CCDC127: variants seen among roughly 807,000 people sequenced by gnomAD.
CCDC127 encodes coiled-coil domain-containing protein 127.
CCDC127 carries 2 observed loss-of-function variants against 4.1 expected under a neutral mutation model. That is an observed-to-expected ratio of 0.49 (90% CI 0.20 to 1.53). The LOEUF is 1.53. Among genes scored for constraint, CCDC127 ranks in the 40% most tolerant of loss-of-function variants. The pLI, the probability that CCDC127 is intolerant of heterozygous loss-of-function variation, is 0.23. For synonymous variants in CCDC127, 98 were observed against 120.4 expected (o/e 0.81, Z 1.22); for missense variants, 271 against 322.9 (o/e 0.84, Z 1.23).
rs1734045050 is a variant in CCDC127, at chr5:200,042, C to G, written c.*5255G>C. ...TGGGGTTGGGGCGGCCATGCTGGCA[C>G]AAAGGGCTCCCGTGAATCTGGAGCT... On this transcript the variant is annotated 3_prime_UTR_variant, in exon 3 of 3. Transcript: ENST00000296824. 1 of 152,232 alleles carries G rather than the reference C, an allele frequency of 6.6e-6. No homozygotes were observed. The highest frequency in any genetic ancestry group is 2.1e-4 in the South Asian group (1 of 4,834). 9.4% of individuals were successfully genotyped at this position (152,232 alleles called of 1,614,324 possible). A position where few individuals can be genotyped will look rare whatever the true frequency, so the allele number is the denominator to read the frequency against.
chr5:207,207 A>C (rs1383555201), intron 2 of CCDC127, among the ~76,000 whole-genome samples: 1 of 152,216 alleles, frequency 6.6e-6, no homozygotes, highest in African/African-American at 2.4e-5. Flanking sequence ...CCTGAAAGCC[A>C]GTCCCCCTTG....
In CCDC127 at chr5:206,044, G is replaced by T. The variant is rs1401685104; in HGVS notation, c.122-86C>A. On this transcript the variant is annotated intron_variant, in intron 2 of 2. Coordinates refer to ENST00000296824, the MANE Select transcript of CCDC127 (RefSeq NM_145265.3). ...TCACTTAAATCATAAGGCAGCTAAG[G>T]ATAGTGTTTCAGTAAAAGCTTAAGA... 4 of 1,256,286 alleles carry T rather than the reference G, an allele frequency of 3.2e-6. No homozygotes were observed. In the African/African-American group the frequency reaches 6.0e-5, roughly 19 times the overall value. 77.8% of individuals were successfully genotyped at this position (1,256,286 alleles called of 1,614,324 possible).
chr5:197,162 C>G lies in CCDC127; in HGVS notation c.*8135G>C, dbSNP rs891364043. The G allele has an allele frequency of 6.6e-6, 1 of 152,090 alleles. No homozygotes were observed. Among genetic ancestry groups the G allele is most frequent in the East Asian group, 1.9e-4 (1 of 5,180 alleles). 9.4% of individuals were successfully genotyped at this position (152,090 alleles called of 1,614,324 possible). A position where few individuals can be genotyped will look rare whatever the true frequency, so the allele number is the denominator to read the frequency against. ...AGCAGAGTAAAGAATAACAAGGCAGCATTGCCGCAAACATGTCTCGCCTCC... is the reference window on the plus strand; with the variant it reads ...AGCAGAGTAAAGAATAACAAGGCAGGATTGCCGCAAACATGTCTCGCCTCC... On this transcript the variant is annotated 3_prime_UTR_variant, in exon 3 of 3. Coordinates refer to ENST00000296824, the MANE Select transcript of CCDC127 (RefSeq NM_145265.3).
rs1196271640 is a variant in CCDC127 at position 198,345 on chromosome 5, GACTT to G, written c.*6948_*6951del. On this transcript the variant is annotated 3_prime_UTR_variant, in exon 3 of 3. Transcript: ENST00000296824. Reference sequence around the variant, plus strand: ...AAGGTGCTGGGCCAACATTTTTAATGACTTACTTCTAACTCTAAAGCACAGAGTG... The same window carrying G: ...AAGGTGCTGGGCCAACATTTTTAATGACTTCTAACTCTAAAGCACAGAGTG... 6.6e-6 allele frequency: 1 copy of G among 152,274 alleles called. No individual in the cohort carries two copies. The highest frequency in any genetic ancestry group is 2.4e-5 in the African/African-American group (1 of 41,464). The allele number at this position is 152,274 out of a possible 1,614,324, so 9.4% of individuals were successfully genotyped here. A position where few individuals can be genotyped will look rare whatever the true frequency, so the allele number is the denominator to read the frequency against.
Position 205,245 on chromosome 5 carries a change from G to C in CCDC127, c.*52C>G, listed in dbSNP as rs10059907. On this transcript the variant is annotated 3_prime_UTR_variant, in exon 3 of 3. Coordinates refer to ENST00000296824, the MANE Select transcript of CCDC127 (RefSeq NM_145265.3). ...GGAAGACGCCGGAGACCCAGAAGGC[G>C]CATGACTGCCTGGCCTCGAGTCACT... 0.12 allele frequency: 188,802 copies of C among 1,520,468 alleles called. 12,249 individuals carry two copies. Among genetic ancestry groups the C allele is most frequent in the Admixed American group, 0.16 (8,817 of 54,472 alleles). The allele number at this position is 1,520,468 out of a possible 1,614,324, so 94.2% of individuals were successfully genotyped here. A position where few individuals can be genotyped will look rare whatever the true frequency, so the allele number is the denominator to read the frequency against.
rs1394585372 is a variant in CCDC127, at chr5:204,825, A to G, written c.*472T>C. On this transcript the variant is annotated 3_prime_UTR_variant, in exon 3 of 3. Coordinates refer to ENST00000296824, the MANE Select transcript of CCDC127 (RefSeq NM_145265.3). Reference sequence around the variant, plus strand: ...TAAAATATAAACCCTTGATAATATAATATTACTACTTCCTATTACCTGTTA... The same window carrying G: ...TAAAATATAAACCCTTGATAATATAGTATTACTACTTCCTATTACCTGTTA... 6.5e-6 allele frequency: 1 copy of G among 152,872 alleles called. No homozygotes were observed. Among genetic ancestry groups the G allele is most frequent in the Non-Finnish European group, 1.5e-5 (1 of 68,542 alleles). 9.5% of individuals were successfully genotyped at this position (152,872 alleles called of 1,614,324 possible). A position where few individuals can be genotyped will look rare whatever the true frequency, so the allele number is the denominator to read the frequency against.
At position 205,973 on chromosome 5, in the gene CCDC127, G is replaced by C. The variant is rs1192720134; in HGVS notation, c.122-15C>G. ...CCAAATCCAACCTGACATGAATGAA[G>C]AAAAATACACATAATGAAAAAGTTA... On this transcript the variant is annotated splice_polypyrimidine_tract_variant and intron_variant, in intron 2 of 2. Transcript: ENST00000296824. 1 of 1,582,652 alleles carries C rather than the reference G, an allele frequency of 6.3e-7. No homozygotes were observed. The highest frequency in any genetic ancestry group is 8.6e-7 in the Non-Finnish European group (1 of 1,165,180).
chr5:213,272 G>A (rs376056191), intron 2 of CCDC127, among the ~76,000 whole-genome samples: 2 of 77,726 alleles, frequency 2.6e-5, no homozygotes, highest in Admixed American at 1.3e-4. Context: ...GCTCGACATC[G>A]CACACTGCAG....
In CCDC127 at chr5:202,604, T is replaced by G. The variant is rs938730275; in HGVS notation, c.*2693A>C. 1 of 152,154 alleles carries G rather than the reference T, an allele frequency of 6.6e-6. No individual in the cohort carries two copies. The highest frequency in any genetic ancestry group is 2.4e-5 in the African/African-American group (1 of 41,362). The allele number at this position is 152,154 out of a possible 1,614,324, so 9.4% of individuals were successfully genotyped here. A position where few individuals can be genotyped will look rare whatever the true frequency, so the allele number is the denominator to read the frequency against. On this transcript the variant is annotated 3_prime_UTR_variant, in exon 3 of 3. Coordinates refer to ENST00000296824, the MANE Select transcript of CCDC127 (RefSeq NM_145265.3). ...CTCAAAAAAAAAATGCTCGTCTTCC[T>G]AACTCTGCAGGACCGGGTCAGCGGG...
Position 201,757 on chromosome 5 carries a change from C to T in CCDC127, c.*3540G>A, listed in dbSNP as rs1254859944. On this transcript the variant is annotated 3_prime_UTR_variant, in exon 3 of 3. Transcript: ENST00000296824. ...CTGAAGCAAGCGAAATTAGAAAGTA[C>T]AATCTCAACCCCTCCCCGCAAAAGT... 1 of 152,156 alleles carries T rather than the reference C, an allele frequency of 6.6e-6. No homozygotes were observed. The highest frequency in any genetic ancestry group is 1.9e-4 in the East Asian group (1 of 5,190). 9.4% of individuals were successfully genotyped at this position (152,156 alleles called of 1,614,324 possible).
At chr5:207,630 T>C (rs1734201077) in intron 2 of CCDC127, among the ~76,000 whole-genome samples, 2 of 152,174 alleles carry the variant, frequency 1.3e-5, no homozygotes, top group Non-Finnish European at 2.9e-5. Context: ...ACGGGGCTTA[T>C]GTCAAGGACA....
chr5:216,613 GT>G (rs1285862248), intron 2 of CCDC127, 115 bp downstream of exon 2: 1 of 808,410 alleles, frequency 1.2e-6, no homozygotes, highest in East Asian at 2.7e-5. Context: ...AAACTCGGCT[GT>G]CCCTGGCAGG....
chr5:214,604 A>G (rs1734342936), intron 2 of CCDC127: 1 of 152,190 alleles, frequency 6.6e-6, no homozygotes, highest in South Asian at 2.1e-4. Flanking sequence ...AGGTGTGAAG[A>G]GAGAGAAGCC....
rs1734102188 is a variant in CCDC127 at position 203,014 on chromosome 5, G to A, written c.*2283C>T. 6.6e-6 allele frequency: 1 copy of A among 152,332 alleles called. No individual in the cohort carries two copies. The highest frequency in any genetic ancestry group is 2.1e-4 in the South Asian group (1 of 4,822). 9.4% of individuals were successfully genotyped at this position (152,332 alleles called of 1,614,324 possible). On this transcript the variant is annotated 3_prime_UTR_variant, in exon 3 of 3. Transcript: ENST00000296824. ...GTGGGAGGCCGAGGTGGGGGCGGTG[G>A]ATCACCTGAGGTCAGCAGTTCGAGA...
chr5:210,987 G>T (rs1347420215), intron 2 of CCDC127, among the ~76,000 whole-genome samples: 17 of 40,812 alleles, frequency 4.2e-4, no homozygotes, highest in Admixed American at 4.5e-4. Context: ...ACACCCATCA[G>T]GATGGGGCAG....
intron 2 of CCDC127, 55 bp from the exon 3 acceptor site, chr5:206,013 T>C (rs1579358058): frequency 9.6e-6 from 14 of 1,460,654 alleles, no homozygotes; most frequent in Middle Eastern, 1.8e-4. Context: ...TGAAGTTCTA[T>C]AATCCTCACT....
rs1338573432 is a variant in CCDC127, at chr5:203,966, G to A, written c.*1331C>T. ...ACTTCCCAGCACCATTAACTCCTAC[G>A]CGTGGCTCTGTGACCACAGTACTTG... is the stretch of plus-strand genomic sequence containing the variant. On this transcript the variant is annotated 3_prime_UTR_variant, in exon 3 of 3. Transcript: ENST00000296824. The A allele has an allele frequency of 6.6e-6, 1 of 152,220 alleles. No individual in the cohort carries two copies. Among genetic ancestry groups the A allele is most frequent in the East Asian group, 1.9e-4 (1 of 5,194 alleles). 9.4% of individuals were successfully genotyped at this position (152,220 alleles called of 1,614,324 possible).
Position 205,557 on chromosome 5 carries a change from T to C in CCDC127, c.523A>G (p.Ser175Gly), listed in dbSNP as rs1579357663. Reference protein sequence around the residue: ...VLTERQNIYCSLFLPRSKRLE... With the variant: ...VLTERQNIYCGLFLPRSKRLE... ...CGCTTGCTGCGAGGAAGAAACAGAC[T>C]GCAGTAGATATTCTGTCTTTCTGTG... Residue 175 changes from serine to glycine, a missense_variant, in exon 3 of 3, where the codon AGT (serine) becomes GGT (glycine). This residue lies in a region of CCDC127 where 265 missense variants were observed against 270.9 expected (regional missense o/e 0.98). Coordinates refer to ENST00000296824, the MANE Select transcript of CCDC127 (RefSeq NM_145265.3). 1 of 1,614,220 alleles carries C rather than the reference T, an allele frequency of 6.2e-7. No individual in the cohort carries two copies. The highest frequency in any genetic ancestry group is 2.2e-5 in the East Asian group (1 of 44,890).
chr5:208,584 G>A (rs1335595892), intron 2 of CCDC127, among the ~76,000 whole-genome samples: 2 of 152,234 alleles, frequency 1.3e-5, no homozygotes, highest in East Asian at 3.8e-4. Flanking sequence ...TGGGGTCGGG[G>A]GGAGCCATGT....
Sources: gnomAD v4.1 joint callset for allele counts (sites outside exome capture counted in the v4.1 genomes callset) on GRCh38, gnomAD v4.1.1 for gene constraint, gnomAD v4.1.1 regional missense constraint, MANE v1.5 for transcripts, NCBI Gene and HGNC (gene_info 2026-07-23, HGNC 2026-07-21) for gene names.